ZSWIM5: variants seen among roughly 807,000 people sequenced by gnomAD.
ZSWIM5 encodes zinc finger SWIM-type containing 5.
A neutral mutation model predicts 119.6 loss-of-function variants in ZSWIM5; 55 were observed. The observed-to-expected ratio is 0.46, with a 90% CI of 0.37 to 0.58. The LOEUF is 0.58. Among genes scored for constraint, ZSWIM5 ranks in the 20% least tolerant of loss-of-function variants. The probability of loss-of-function intolerance (pLI) is 0.00; values close to 1 mark genes in which losing one functional copy is unlikely to be tolerated. For missense variants in ZSWIM5, 1,193 were observed against 1,512.8 expected (o/e 0.79, Z 3.51); for synonymous variants, 537 against 606.9 (o/e 0.88, Z 1.69).
Position 45,206,541 on chromosome 1 carries a change from C to T in ZSWIM5, c.-191G>A. On this transcript the variant is annotated 5_prime_UTR_variant, in exon 1 of 14. Coordinates refer to ENST00000359600, the MANE Select transcript of ZSWIM5 (RefSeq NM_020883.2). ...CCCGGGAGCGCGCCGCGAGGGCAGA[C>T]GCGGGCGGCCTGCAGGGTAGCGTGA... 9.8e-7 allele frequency: 1 copy of T among 1,016,972 alleles called. No homozygotes were observed. Among genetic ancestry groups the T allele is most frequent in the Non-Finnish European group, 1.2e-6 (1 of 852,164 alleles). 63.0% of individuals were successfully genotyped at this position (1,016,972 alleles called of 1,614,324 possible).
chr1:45,134,091 C>T (rs925705666), intron 1 of ZSWIM5, among the ~76,000 whole-genome samples: 7 of 152,134 alleles, frequency 4.6e-5, no homozygotes, highest in Middle Eastern at 3.4e-3. Context: ...CTTGGCGATG[C>T]GGGCTCTTTT....
At chr1:45,191,100 C>G (rs1646089753) in intron 1 of ZSWIM5, among the ~76,000 whole-genome samples, 1 of 151,792 alleles carries the variant, frequency 6.6e-6, no homozygotes, top group Non-Finnish European at 1.5e-5. Context: ...ACGCCCGCCA[C>G]CGCGCCCGGC....
At chr1:45,124,415 T>G (rs1645608996) in intron 1 of ZSWIM5, among the ~76,000 whole-genome samples, 1 of 152,052 alleles carries the variant, frequency 6.6e-6, no homozygotes, top group African/African-American at 2.4e-5. Flanking sequence ...GATTAAATTA[T>G]GTATACAGAA....
intron 10 of ZSWIM5, among the ~76,000 whole-genome samples, chr1:45,034,974 G>C (rs1644974151): frequency 6.6e-6 from 1 of 152,084 alleles, no homozygotes; most frequent in African/African-American, 2.4e-5. Context: ...TTTTTGTAGA[G>C]ATGGGGTTTC....
chr1:45,094,021 TTATA>T (rs1401843874), intron 1 of ZSWIM5, among the ~76,000 whole-genome samples: 28 of 120,004 alleles, frequency 2.3e-4, no homozygotes, highest in East Asian at 8.6e-4. Flanking sequence ...ATTTTTATTT[TTATA>T]TTTATTTATT....
chr1:45,079,599 T>A (rs901505529), intron 2 of ZSWIM5, among the ~76,000 whole-genome samples: 1 of 152,098 alleles, frequency 6.6e-6, no homozygotes. Context: ...AGAGGTCACT[T>A]GGTGCTCTAG....
chr1:45,044,190 A>AG (rs1645033016), intron 5 of ZSWIM5, among the ~76,000 whole-genome samples: 1 of 45,992 alleles, frequency 2.2e-5, no homozygotes, highest in Non-Finnish European at 5.6e-5. Flanking sequence ...ATCCCATCTC[A>AG]AAAAAAAAAA....
At chr1:45,068,962 T>C (rs989790845) in intron 2 of ZSWIM5, among the ~76,000 whole-genome samples, 2 of 151,564 alleles carry the variant, frequency 1.3e-5, no homozygotes, top group Non-Finnish European at 2.9e-5. Context: ...CACACCACCA[T>C]GCCCAGCTAA....
intron 1 of ZSWIM5, among the ~76,000 whole-genome samples, chr1:45,153,640 A>C (rs529806425): frequency 1.6e-4 from 25 of 152,328 alleles, no homozygotes; most frequent in African/African-American, 5.8e-4. Flanking sequence ...ACTATTCACA[A>C]TAGCAAAGAC....
At chr1:45,153,206 C>T (rs1645807804) in intron 1 of ZSWIM5, among the ~76,000 whole-genome samples, 1 of 150,770 alleles carries the variant, frequency 6.6e-6, no homozygotes, top group African/African-American at 2.4e-5. Context: ...CTGTGGAAAG[C>T]AGCTTGGAGA....
intron 1 of ZSWIM5, among the ~76,000 whole-genome samples, chr1:45,155,829 A>G (rs1645823872): frequency 6.6e-6 from 1 of 152,198 alleles, no homozygotes; most frequent in Admixed American, 6.5e-5. Context: ...CGGGAGCTAA[A>G]CTATGAGGAT....
At chr1:45,039,290 C>T (rs989379008) in intron 7 of ZSWIM5, among the ~76,000 whole-genome samples, 2 of 152,166 alleles carry the variant, frequency 1.3e-5, no homozygotes, top group African/African-American at 4.8e-5. Context: ...GTAGTGCATA[C>T]GTGGATAGAG....
intron 11 of ZSWIM5, among the ~76,000 whole-genome samples, chr1:45,032,949 GT>G (rs1248657530): frequency 6.6e-6 from 1 of 151,600 alleles, no homozygotes; most frequent in African/African-American, 2.4e-5. Context: ...TCTATTATTG[GT>G]TTTAAGCATT....
Position 45,206,338 on chromosome 1 carries a change from C to G in ZSWIM5, c.13G>C (p.Gly5Arg). The change falls in exon 1 of 14, where the codon GGT becomes CGT. Residue 5 changes from glycine to arginine, a missense_variant. Gly to Arg is a moderately radical substitution (Grantham distance 125). Coordinates refer to ENST00000359600, the MANE Select transcript of ZSWIM5 (RefSeq NM_020883.2). MADG[G>R]EREELLSPSP... The stretch of plus-strand genomic sequence containing the variant: ...GGCGAGAGCAGCTCCTCTCGCTCAC[C>G]TCCGTCCGCCATTGCTGGGGACTGA... The G allele has an allele frequency of 6.8e-7, 1 of 1,480,376 alleles. No individual in the cohort carries two copies. 91.7% of individuals were successfully genotyped at this position (1,480,376 alleles called of 1,614,324 possible).
chr1:45,126,945 G>C (rs111814659), intron 1 of ZSWIM5, among the ~76,000 whole-genome samples: 3,132 of 152,114 alleles, frequency 0.021, 116 homozygotes, highest in African/African-American at 0.072. Flanking sequence ...CTCAAGCAAT[G>C]CTACCACCTC....
intron 1 of ZSWIM5, among the ~76,000 whole-genome samples, chr1:45,107,228 C>CT (rs1163627821): frequency 6.6e-6 from 1 of 151,910 alleles, no homozygotes; most frequent in Non-Finnish European, 1.5e-5. Flanking sequence ...AAAAAAAAGA[C>CT]TGAGATGTTA....
chr1:45,094,359 G>T (rs1406625325), intron 1 of ZSWIM5, among the ~76,000 whole-genome samples: 3 of 152,058 alleles, frequency 2.0e-5, no homozygotes, highest in Non-Finnish European at 2.9e-5. Flanking sequence ...CAGCTGCCTG[G>T]CTAATTTTTT....
chr1:45,024,380 C>G (rs1435898074), intron 11 of ZSWIM5, among the ~76,000 whole-genome samples: 2 of 151,438 alleles, frequency 1.3e-5, no homozygotes, highest in Admixed American at 6.6e-5. Context: ...TTATTAGAGA[C>G]AGGGTTTCAC....
At chr1:45,022,266 G>C (rs1644892447) in intron 11 of ZSWIM5, among the ~76,000 whole-genome samples, 1 of 151,678 alleles carries the variant, frequency 6.6e-6, no homozygotes, top group South Asian at 2.1e-4. Flanking sequence ...GCGTAGCTGA[G>C]ACTACAGGCG....
Sources: allele counts gnomAD v4.1 joint callset (sites outside exome capture counted in the v4.1 genomes callset), GRCh38; gene constraint gnomAD v4.1.1; transcripts MANE v1.5; gene names NCBI Gene and HGNC (gene_info 2026-07-23, HGNC 2026-07-21).